Variants in PFKP observed in about 807,000 individuals in gnomAD.
The protein encoded by PFKP is ATP-dependent 6-phosphofructokinase, platelet type.
PFKP carries 101 observed loss-of-function variants against 94.3 expected under a neutral mutation model. That is an observed-to-expected ratio of 1.07 (90% CI 0.91 to 1.26). The LOEUF is 1.26. Among genes scored for constraint, PFKP ranks in the 50% most tolerant of loss-of-function variants. The pLI is 0.00. For missense variants in PFKP, 1,145 were observed against 1,103.3 expected (o/e 1.04, Z -0.53); for synonymous variants, 573 against 432.6 (o/e 1.32, Z -4.03).
chr10:3,133,753 ATGCC>A lies in PFKP; in HGVS notation c.2022+440_2022+443del, dbSNP rs1311505486. Among the ~76,000 whole-genome samples, 4 of 152,342 alleles carry A rather than the reference ATGCC, an allele frequency of 2.6e-5. No individual in the cohort carries two copies. The East Asian group carries it at 7.7e-4, about 29-fold the overall frequency. ...GCCAAAACATCTGAACTTTTAAGTG[ATGCC>A]AAACATCACCAGCTTTAGGATTCTT... On this transcript the variant is annotated intron_variant, in intron 19 of 21. Coordinates refer to ENST00000381125, the MANE Select transcript of PFKP (RefSeq NM_002627.5).
intron 14 of PFKP, among the ~76,000 whole-genome samples, 159 bp from the exon 15 acceptor site, chr10:3,118,623 C>T (rs955165241): frequency 6.6e-6 from 1 of 152,234 alleles, no homozygotes; most frequent in African/African-American, 2.4e-5. Flanking sequence ...ATTCTGCCAT[C>T]TGCCAGCCAC....
intron 11 of PFKP, 96 bp downstream of exon 11, chr10:3,112,382 T>C (rs1205688675): frequency 1.1e-5 from 10 of 922,356 alleles, no homozygotes; most frequent in African/African-American, 6.5e-5. Flanking sequence ...TTATTCCATG[T>C]CACTGTGAAA....
At chr10:3,131,237 G>T (rs1838550958) in intron 17 of PFKP, among the ~76,000 whole-genome samples, 1 of 152,094 alleles carries the variant, frequency 6.6e-6, no homozygotes, top group African/African-American at 2.4e-5. Flanking sequence ...CAGGTTTGTA[G>T]CCAGGAACAA....
At position 3,101,375 on chromosome 10, in the gene PFKP, T is replaced by C. The variant is rs1276445220; in HGVS notation, c.275T>C (p.Ile92Thr). The change falls in exon 4 of 22, where the codon ATC becomes ACC. Residue 92 changes from isoleucine (I) to threonine (T), a missense_variant. Coordinates refer to ENST00000381125, the MANE Select transcript of PFKP (RefSeq NM_002627.5). ...TGGTGTCTTTCCCAGGGCGGGACGA[T>C]CATTGGCAGTGCGCGGTGCCAGGCC... ...VSSILQVGGT[I>T]IGSARCQAFR... 1.3e-6 allele frequency: 2 copies of C among 1,588,972 alleles called. No individual in the cohort carries two copies. Among genetic ancestry groups the C allele is most frequent in the African/African-American group, 2.7e-5 (2 of 74,368 alleles).
intron 3 of PFKP, among the ~76,000 whole-genome samples, chr10:3,099,915 CTG>C (rs1374763782): frequency 2.7e-5 from 4 of 150,552 alleles, no homozygotes; most frequent in South Asian, 2.1e-4. Flanking sequence ...TGGTGTGTGT[CTG>C]TATGTAGGTG....
At chr10:3,118,211 G>A (rs768562216) in intron 14 of PFKP, among the ~76,000 whole-genome samples, 1 of 152,186 alleles carries the variant, frequency 6.6e-6, no homozygotes, top group Non-Finnish European at 1.5e-5. Flanking sequence ...GCTCACACCT[G>A]TAACCCCAGC....
intron 1 of PFKP, among the ~76,000 whole-genome samples, chr10:3,081,190 C>T (rs896007050): frequency 6.6e-6 from 1 of 152,218 alleles, no homozygotes; most frequent in South Asian, 2.1e-4. Context: ...CAAATAGATA[C>T]TCTCATTCAG....
chr10:3,101,066 T>C lies in PFKP; in HGVS notation c.265-299T>C, dbSNP rs1834953862. ...GCTCGTTGGCCGGTGCTGAGGCGGC[T>C]GCTGTGACACCGCAGGCTGGTTCCT... On this transcript the variant is annotated intron_variant, in intron 3 of 21. Transcript: ENST00000381125. 4 of 1,282,828 alleles carry C rather than the reference T, an allele frequency of 3.1e-6. No homozygotes were observed. In the African/African-American group the frequency reaches 4.4e-5, roughly 14 times the overall value. The allele number at this position is 1,282,828 out of a possible 1,614,324, so 79.5% of individuals were successfully genotyped here. A position where few individuals can be genotyped will look rare whatever the true frequency, so the allele number is the denominator to read the frequency against.
At chr10:3,110,940 G>A (rs1345618881) in intron 10 of PFKP, among the ~76,000 whole-genome samples, 1 of 151,926 alleles carries the variant, frequency 6.6e-6, no homozygotes, top group Non-Finnish European at 1.5e-5. Flanking sequence ...GTTTTTGTGA[G>A]GTAGTGTGTG....
chr10:3,105,014 C>A, intron 5 of PFKP, 101 bp from the exon 6 acceptor site: 1 of 1,158,982 alleles, frequency 8.6e-7, no homozygotes, highest in Non-Finnish European at 1.3e-6. Flanking sequence ...GTCAAAGCCC[C>A]TTTTCTCTGC....
rs780720379 is a variant in PFKP, at chr10:3,101,530, C to A, written c.430C>A (p.Leu144Met). The A allele has an allele frequency of 1.9e-6, 3 of 1,560,998 alleles. No individual in the cohort carries two copies. In the South Asian group the frequency reaches 3.6e-5, roughly 19 times the overall value. ...CCTCTTCCGGAAGGAGTGGAGTGGG[C>A]TGCTGGAGGAGCTGGCCAGGAACGG... ...ANLFRKEWSG[L>M]LEELARNGQI... Residue 144 changes from leucine (L) to methionine (M), a missense_variant, in exon 4 of 22, where the codon CTG (leucine) becomes ATG (methionine). By Grantham distance (15) the Leu-to-Met change is conservative. Transcript: ENST00000381125.
chr10:3,125,115 G>A lies in PFKP; in HGVS notation c.1684-4704G>A, dbSNP rs375281485. ...GCTTCAGGCTTACAAGAGTGCGTGC[G>A]ACATGGCCGAGGCACGAGGCCGCCA... On this transcript the variant is annotated intron_variant, in intron 16 of 21. Coordinates refer to ENST00000381125, the MANE Select transcript of PFKP (RefSeq NM_002627.5). 3.5e-4 allele frequency: 456 copies of A among 1,320,110 alleles called. 1 individual carries two copies. The African/African-American group carries it at 6.2e-3, about 18-fold the overall frequency. 81.8% of individuals were successfully genotyped at this position (1,320,110 alleles called of 1,614,324 possible). A position where few individuals can be genotyped will look rare whatever the true frequency, so the allele number is the denominator to read the frequency against.
rs776858743 is a variant in PFKP, at chr10:3,129,829, G to A, written c.1694G>A (p.Arg565His). The A allele has an allele frequency of 1.5e-5, 25 of 1,613,226 alleles. No individual in the cohort carries two copies. The highest frequency in any genetic ancestry group is 3.3e-4 in the Middle Eastern group (2 of 6,082). ...CTTCTCTGTGACCAGACCTGCGACC[G>A]CATCAAGCAGTCCGCCAGCGGAACC... is the stretch of plus-strand genomic sequence containing the variant. The part of the protein sequence containing the change: ...ALNTITDTCD[R>H]IKQSASGTKR... The change falls in exon 17 of 22, where the codon CGC becomes CAC. Residue 565 changes from arginine to histidine, a missense_variant. Physicochemically the swap from Arg to His is conservative, Grantham distance 29 (BLOSUM62 0). Around this residue, in one of 3 missense-constraint regions of PFKP, gnomAD observed 1,119 missense variants for 1,062.8 expected, o/e 1.05. Transcript: ENST00000381125.
chr10:3,070,051 G>T (rs1832069380), intron 1 of PFKP, among the ~76,000 whole-genome samples: 1 of 152,252 alleles, frequency 6.6e-6, no homozygotes, highest in Non-Finnish European at 1.5e-5. Flanking sequence ...CTCTGCAGGT[G>T]GCATCAAATA....
chr10:3,071,664 G>C (rs914203292), intron 1 of PFKP, among the ~76,000 whole-genome samples: 50 of 152,126 alleles, frequency 3.3e-4, no homozygotes, highest in African/African-American at 1.2e-3. Context: ...CCTGGTGCCT[G>C]GTGGAGCTGA....
chr10:3,118,945 G>C (rs1285002618), intron 15 of PFKP, 76 bp downstream of exon 15: 1 of 1,082,696 alleles, frequency 9.2e-7, no homozygotes, highest in East Asian at 2.6e-5. Flanking sequence ...TAAGCTACTT[G>C]TTGGCTACTG....
chr10:3,084,827 G>A (rs1304517102), intron 2 of PFKP, among the ~76,000 whole-genome samples: 5 of 46,598 alleles, frequency 1.1e-4, no homozygotes, highest in Non-Finnish European at 2.1e-4. Context: ...CTTCCACCTC[G>A]TCCCAAGCAC....
At chr10:3,124,345 C>G (rs1040369615) in intron 16 of PFKP, among the ~76,000 whole-genome samples, 2 of 152,198 alleles carry the variant, frequency 1.3e-5, no homozygotes, top group Non-Finnish European at 2.9e-5. Flanking sequence ...GTGGACCTGT[C>G]CTGCTGTGAC....
chr10:3,132,532 C>A lies in PFKP; in HGVS notation c.1910+91C>A. 3.3e-6 allele frequency: 3 copies of A among 897,532 alleles called. No individual in the cohort carries two copies. In the South Asian group the frequency reaches 4.1e-5, roughly 12 times the overall value. 55.6% of individuals were successfully genotyped at this position (897,532 alleles called of 1,614,324 possible). ...CTGTGACTTGGGCTGGATGAGTGGTCATTTCTTTGCCGCTAGAGTGCACTA... is the reference window on the plus strand; with the variant it reads ...CTGTGACTTGGGCTGGATGAGTGGTAATTTCTTTGCCGCTAGAGTGCACTA... On this transcript the variant is annotated intron_variant, in intron 18 of 21. Transcript: ENST00000381125.
Sources: gnomAD v4.1 joint callset for allele counts (sites outside exome capture counted in the v4.1 genomes callset) on GRCh38, gnomAD v4.1.1 for gene constraint, gnomAD v4.1.1 regional missense constraint, MANE v1.5 for transcripts, NCBI Gene and HGNC (gene_info 2026-07-23, HGNC 2026-07-21) for gene names.